Variants in DCDC1 observed in about 807,000 individuals in gnomAD.
The protein encoded by DCDC1 is doublecortin domain-containing protein 1.
DCDC1 carries 200 observed loss-of-function variants against 178.3 expected under a neutral mutation model. The observed-to-expected ratio is 1.12, with a 90% CI of 1.00 to 1.26. DCDC1 has a LOEUF of 1.26. Among genes scored for constraint, DCDC1 ranks in the 50% most tolerant of loss-of-function variants. The probability of loss-of-function intolerance (pLI) is 0.00; values close to 1 mark genes in which losing one functional copy is unlikely to be tolerated. For synonymous variants in DCDC1, 690 were observed against 604.8 expected (o/e 1.14, Z -2.07); for missense variants, 1,983 against 1,749.2 (o/e 1.13, Z -2.38).
At chr11:31,141,861 T>C (rs1160189426) in intron 9 of DCDC1, among the ~76,000 whole-genome samples, 2 of 152,254 alleles carry the variant, frequency 1.3e-5, no homozygotes, top group African/African-American at 4.8e-5. Context: ...GCGCGAGAGC[T>C]TTCTCTTTTT....
chr11:31,272,407 C>T (rs1945636337), intron 7 of DCDC1, among the ~76,000 whole-genome samples: 1 of 152,168 alleles, frequency 6.6e-6, no homozygotes, highest in Non-Finnish European at 1.5e-5. Context: ...CCGACAGTCC[C>T]TCAAAGTCTT....
intron 7 of DCDC1, among the ~76,000 whole-genome samples, chr11:31,283,846 C>T (rs1474761132): frequency 6.6e-6 from 1 of 152,106 alleles, no homozygotes; most frequent in Non-Finnish European, 1.5e-5. Flanking sequence ...CTACAAATAG[C>T]TCCCTCTTAT....
At chr11:31,329,446 G>T (rs778089300) in intron 2 of DCDC1, among the ~76,000 whole-genome samples, 1 of 151,730 alleles carries the variant, frequency 6.6e-6, no homozygotes, top group Non-Finnish European at 1.5e-5. Context: ...TGTGCATAAC[G>T]TGCAGGATTG....
chr11:31,023,309 T>C (rs1019160291), intron 20 of DCDC1, among the ~76,000 whole-genome samples: 1 of 152,090 alleles, frequency 6.6e-6, no homozygotes, highest in Non-Finnish European at 1.5e-5. Context: ...TGATTCCCAA[T>C]TAAAACAAAG....
At chr11:31,186,590 C>T (rs1041529368) in intron 9 of DCDC1, among the ~76,000 whole-genome samples, 3 of 152,190 alleles carry the variant, frequency 2.0e-5, no homozygotes, top group South Asian at 4.1e-4. Context: ...GCACCACTGC[C>T]GCCCTCAGAG....
intron 1 of DCDC1, among the ~76,000 whole-genome samples, chr11:31,368,699 C>T (rs1010817331): frequency 6.6e-6 from 1 of 152,224 alleles, no homozygotes; most frequent in Non-Finnish European, 1.5e-5. Flanking sequence ...TTTATCTTGA[C>T]TGCTTCTCAA....
At position 31,110,551 on chromosome 11, in the gene DCDC1, T is replaced by C. The variant is rs546364767; in HGVS notation, c.1486-190A>G. Reference sequence around the variant, plus strand: ...ACACATGTGAGTAAGTAATTGGCAATGGAATCAACAGCACTAAAAGAAAAG... The same window carrying C: ...ACACATGTGAGTAAGTAATTGGCAACGGAATCAACAGCACTAAAAGAAAAG... On this transcript the variant is annotated intron_variant, in intron 11 of 38. Transcript: ENST00000684477. Among the ~76,000 whole-genome samples, 6 of 152,212 alleles carry C rather than the reference T, an allele frequency of 3.9e-5. No homozygotes were observed. In the South Asian group the frequency reaches 1.0e-3, roughly 26 times the overall value.
chr11:30,894,092 C>T (rs572321205), intron 35 of DCDC1, among the ~76,000 whole-genome samples, 156 bp downstream of exon 35: 1 of 152,254 alleles, frequency 6.6e-6, no homozygotes, highest in Admixed American at 6.5e-5. Context: ...AGCTACTCTC[C>T]AAATGCCAAC....
At chr11:30,925,118 G>T (rs1946511415) in intron 23 of DCDC1, among the ~76,000 whole-genome samples, 191 bp downstream of exon 23, 1 of 151,780 alleles carries the variant, frequency 6.6e-6, no homozygotes, top group Admixed American at 6.6e-5. Flanking sequence ...TGAAAACCAT[G>T]CCAGACATAT....
At chr11:31,119,535 T>C (rs1331474818) in intron 11 of DCDC1, among the ~76,000 whole-genome samples, 2 of 152,154 alleles carry the variant, frequency 1.3e-5, no homozygotes, top group Admixed American at 6.5e-5. Flanking sequence ...AATATGCACA[T>C]AGAACAGTGA....
In DCDC1 at chr11:31,052,540, G is replaced by A. The variant is rs141696798; in HGVS notation, c.2591+11929C>T. ...ATACAGAACATTTCATCCAACAACC[G>A]TGGAATACACATTCCATTCAACAGT... On this transcript the variant is annotated intron_variant, in intron 20 of 38. Transcript: ENST00000684477. Among the ~76,000 whole-genome samples the A allele has an allele frequency of 1.2e-4, 19 of 152,188 alleles. No homozygotes were observed. In the East Asian group the frequency reaches 2.1e-3, roughly 17 times the overall value.
At chr11:30,938,175 T>A (rs2134365292) in intron 21 of DCDC1, among the ~76,000 whole-genome samples, 1 of 152,278 alleles carries the variant, frequency 6.6e-6, no homozygotes, top group East Asian at 1.9e-4. Flanking sequence ...CTCTTTGATC[T>A]CTGTCTTTTC....
chr11:31,206,712 G>A (rs1971912172), intron 9 of DCDC1, among the ~76,000 whole-genome samples: 1 of 152,008 alleles, frequency 6.6e-6, no homozygotes, highest in South Asian at 2.1e-4. Flanking sequence ...ACCGCGCCTG[G>A]CCCAGGTCCA....
intron 20 of DCDC1, among the ~76,000 whole-genome samples, chr11:30,962,947 C>G (rs79879817): frequency 0.02 from 3,060 of 152,186 alleles, 92 homozygotes; most frequent in African/African-American, 0.069. Flanking sequence ...AAAACCATCC[C>G]TTCTTCAACA....
chr11:30,907,358 A>G (rs1201135126), intron 29 of DCDC1, among the ~76,000 whole-genome samples: 1 of 152,110 alleles, frequency 6.6e-6, no homozygotes, highest in African/African-American at 2.4e-5. Context: ...CAATAAAACC[A>G]TCCCACTCTT....
intron 9 of DCDC1, among the ~76,000 whole-genome samples, chr11:31,211,717 A>G (rs1972554796): frequency 6.6e-6 from 1 of 152,146 alleles, no homozygotes; most frequent in South Asian, 2.1e-4. Context: ...CTCTATAAGC[A>G]GTTATAGTTT....
chr11:30,943,881 A>G, intron 21 of DCDC1: 2 of 283,432 alleles, frequency 7.1e-6, no homozygotes, highest in African/African-American at 2.2e-5. Flanking sequence ...TGAGAGGTAC[A>G]TAGTTTTTAG....
intron 18 of DCDC1, among the ~76,000 whole-genome samples, chr11:31,072,092 GTTTTC>G (rs1257264460): frequency 2.6e-5 from 4 of 152,118 alleles, no homozygotes; most frequent in African/African-American, 9.7e-5. Context: ...GAGTGTGTTA[GTTTTC>G]TTTTATCTTT....
intron 7 of DCDC1, among the ~76,000 whole-genome samples, chr11:31,287,558 A>C (rs1164615657): frequency 6.6e-6 from 1 of 152,046 alleles, no homozygotes; most frequent in East Asian, 1.9e-4. Context: ...AGATGGTTCT[A>C]AATGTTTTCA....
Sources: gnomAD v4.1 joint callset for allele counts (sites outside exome capture counted in the v4.1 genomes callset) on GRCh38, gnomAD v4.1.1 for gene constraint, MANE v1.5 for transcripts, NCBI Gene and HGNC (gene_info 2026-07-23, HGNC 2026-07-21) for gene names.